TRIM71: variants seen among roughly 807,000 people sequenced by gnomAD.
TRIM71 encodes the protein E3 ubiquitin-protein ligase TRIM71.
In TRIM71, 9 loss-of-function variants were observed where a neutral mutation model predicts 61.2. The ratio of observed to expected loss-of-function variants is 0.15; its 90% CI spans 0.09 to 0.26. The LOEUF (loss-of-function observed/expected upper bound fraction) is 0.26. Ranked by LOEUF, TRIM71 falls within the 10% of genes least tolerant of loss-of-function variation. TRIM71 has a pLI of 1.00. For missense variants in TRIM71, 998 were observed against 1,238.7 expected (o/e 0.81, Z 2.92); for synonymous variants, 645 against 553.2 (o/e 1.17, Z -2.33).
chr3:32,818,656 G>T lies in TRIM71; in HGVS notation c.576G>T (p.Leu192=). 1 of 1,504,614 alleles carries T rather than the reference G, an allele frequency of 6.6e-7. No individual in the cohort carries two copies. Among genetic ancestry groups the T allele is most frequent in the Non-Finnish European group, 8.8e-7 (1 of 1,136,902 alleles). 93.2% of individuals were successfully genotyped at this position (1,504,614 alleles called of 1,614,324 possible). Residue 192 remains leucine (L), a synonymous_variant, in exon 1 of 4, where the codon CTG becomes CTT. Coordinates refer to ENST00000383763, the MANE Select transcript of TRIM71 (RefSeq NM_001039111.3). ...GGPAASPSAL[L]LRRPHGCSSC... is the part of the protein sequence containing the mutation. ...CTGCCGCTTCCCCGTCGGCGCTGCT[G>T]CTCCGCCGTCCTCACGGCTGCAGCT...
At chr3:32,862,008 T>C (rs1402411263) in intron 1 of TRIM71, among the ~76,000 whole-genome samples, 1 of 152,234 alleles carries the variant, frequency 6.6e-6, no homozygotes, top group African/African-American at 2.4e-5. Context: ...AAATAATTAC[T>C]GCCTGTGAAC....
chr3:32,860,911 A>G (rs1696660025), intron 1 of TRIM71, among the ~76,000 whole-genome samples: 1 of 152,110 alleles, frequency 6.6e-6, no homozygotes, highest in African/African-American at 2.4e-5. Context: ...GCGGTGGCTC[A>G]TGCCTGTAAT....
chr3:32,849,895 G>A (rs1696518988), intron 1 of TRIM71, among the ~76,000 whole-genome samples: 1 of 152,208 alleles, frequency 6.6e-6, no homozygotes, highest in South Asian at 2.1e-4. Context: ...CCCTGAGATT[G>A]TCACAAGTTG....
intron 1 of TRIM71, among the ~76,000 whole-genome samples, chr3:32,863,986 T>C (rs955149571): frequency 6.6e-6 from 1 of 152,174 alleles, no homozygotes; most frequent in African/African-American, 2.4e-5. Context: ...CCTGAACTTC[T>C]TGTGTGTAGT....
Position 32,886,018 on chromosome 3 carries a change from G to T in TRIM71, c.1105G>T (p.Ala369Ser). ...GCAGTCGGAGGTCAAAGCCGTGACG[G>T]CGAGGCATAAGAAAGCCCTGGAGGA... ...VVQSEVKAVT[A>S]RHKKALEERE... Residue 369 changes from alanine to serine, a missense_variant, in exon 3 of 4, where the codon GCG (alanine) becomes TCG (serine). By Grantham distance (99) the Ala-to-Ser change is moderately conservative (BLOSUM62 1). Coordinates refer to ENST00000383763, the MANE Select transcript of TRIM71 (RefSeq NM_001039111.3). The T allele has an allele frequency of 1.2e-6, 2 of 1,614,194 alleles. No homozygotes were observed. Among genetic ancestry groups the T allele is most frequent in the Non-Finnish European group, 1.7e-6 (2 of 1,180,024 alleles).
In TRIM71 at chr3:32,875,373, C is replaced by A. The variant is rs898230618; in HGVS notation, c.1020+1388C>A. 5.3e-5 allele frequency among the ~76,000 whole-genome samples: 8 copies of A among 152,144 alleles called. No homozygotes were observed. In the East Asian group the frequency reaches 1.2e-3, roughly 22 times the overall value. On this transcript the variant is annotated intron_variant, in intron 2 of 3. Coordinates refer to ENST00000383763, the MANE Select transcript of TRIM71 (RefSeq NM_001039111.3). ...GAATTTCTATTAAATCTTGTCTGATCCAGGTGACAAGGTTTTAGGAAATCA... is the reference window on the plus strand; with the variant it reads ...GAATTTCTATTAAATCTTGTCTGATACAGGTGACAAGGTTTTAGGAAATCA...
intron 1 of TRIM71, among the ~76,000 whole-genome samples, chr3:32,825,247 C>A (rs915726802): frequency 1.3e-5 from 2 of 152,200 alleles, no homozygotes; most frequent in East Asian, 3.9e-4. Flanking sequence ...AACTAATAAT[C>A]GTGCATATAT....
chr3:32,861,083 G>C (rs974298090), intron 1 of TRIM71, among the ~76,000 whole-genome samples: 1 of 151,986 alleles, frequency 6.6e-6, no homozygotes, highest in African/African-American at 2.4e-5. Flanking sequence ...GCTGAGGCAG[G>C]AGAATCGCTT....
At chr3:32,861,764 C>G (rs1198777097) in intron 1 of TRIM71, among the ~76,000 whole-genome samples, 2 of 152,056 alleles carry the variant, frequency 1.3e-5, no homozygotes, top group African/African-American at 2.4e-5. Flanking sequence ...CTTTAATACT[C>G]TCCTTGACAG....
chr3:32,863,316 A>G (rs1036738856), intron 1 of TRIM71, among the ~76,000 whole-genome samples: 5 of 143,962 alleles, frequency 3.5e-5, no homozygotes, highest in Non-Finnish European at 7.4e-5. Flanking sequence ...TCATCAAGCC[A>G]TCCTTCTGCC....
chr3:32,850,745 G>A (rs1559542603), intron 1 of TRIM71, among the ~76,000 whole-genome samples: 1 of 152,184 alleles, frequency 6.6e-6, no homozygotes, highest in African/African-American at 2.4e-5. Context: ...TATCTTGACC[G>A]GCTTGTTAGT....
chr3:32,853,265 T>G (rs1269396702), intron 1 of TRIM71, among the ~76,000 whole-genome samples: 2 of 151,898 alleles, frequency 1.3e-5, no homozygotes, highest in Admixed American at 1.3e-4. Context: ...TACAGGTGCA[T>G]GCCACCACAC....
chr3:32,834,207 C>T (rs1696307140), intron 1 of TRIM71, among the ~76,000 whole-genome samples: 1 of 152,072 alleles, frequency 6.6e-6, no homozygotes, highest in South Asian at 2.1e-4. Context: ...TAGGTGAAAC[C>T]GAGTGATTGT....
Position 32,851,566 on chromosome 3 carries a change from C to T in TRIM71, c.853-22252C>T, listed in dbSNP as rs1696538547. On this transcript the variant is annotated intron_variant, in intron 1 of 3. Transcript: ENST00000383763. ...TGATCTCAGCTCACTGCTACCGTCGCCTCCCAGGTTCAAGCGATTTTCCTG... is the reference window on the plus strand; with the variant it reads ...TGATCTCAGCTCACTGCTACCGTCGTCTCCCAGGTTCAAGCGATTTTCCTG... Among the ~76,000 whole-genome samples, 3 of 152,132 alleles carry T rather than the reference C, an allele frequency of 2.0e-5. No homozygotes were observed. In the South Asian group the frequency reaches 6.2e-4, roughly 32 times the overall value.
At chr3:32,820,018 A>G (rs1351239352) in intron 1 of TRIM71, among the ~76,000 whole-genome samples, 1 of 152,220 alleles carries the variant, frequency 6.6e-6, no homozygotes, top group Non-Finnish European at 1.5e-5. Flanking sequence ...TTCTCCCCCG[A>G]ACCCAATGAA....
chr3:32,873,987 T>C lies in TRIM71; in HGVS notation c.1020+2T>C. 6.2e-7 allele frequency: 1 copy of C among 1,605,140 alleles called. No individual in the cohort carries two copies. Among genetic ancestry groups the C allele is most frequent in the Non-Finnish European group, 8.5e-7 (1 of 1,176,276 alleles). Reference sequence around the variant, plus strand: ...CAGCAGGGACGACAGGCAATCCAGGTGAGCCTTCCCTGCCCTTCTGCAGTT... The same window carrying C: ...CAGCAGGGACGACAGGCAATCCAGGCGAGCCTTCCCTGCCCTTCTGCAGTT... On this transcript the variant is annotated splice_donor_variant, in intron 2 of 3. Transcript: ENST00000383763. LOFTEE classifies it high-confidence loss of function.
chr3:32,828,502 C>CT (rs67014189), intron 1 of TRIM71, among the ~76,000 whole-genome samples: 48,133 of 93,430 alleles, frequency 0.52, 14,811 homozygotes, highest in East Asian at 0.7. Context: ...CAATTGTAAA[C>CT]TTTTTTTTTT....
chr3:32,819,047 A>G, intron 1 of TRIM71, 115 bp downstream of exon 1: 4 of 1,207,688 alleles, frequency 3.3e-6, no homozygotes, highest in Non-Finnish European at 4.7e-6. Context: ...TTTGGTTTGT[A>G]TTTCCTTTGG....
chr3:32,828,002 C>T (rs1696223437), intron 1 of TRIM71, among the ~76,000 whole-genome samples: 1 of 152,080 alleles, frequency 6.6e-6, no homozygotes, highest in Non-Finnish European at 1.5e-5. Context: ...AAAAAATCTG[C>T]ACTTAAGTTT....
Sources: allele counts gnomAD v4.1 joint callset (sites outside exome capture counted in the v4.1 genomes callset), GRCh38; gene constraint gnomAD v4.1.1; transcripts MANE v1.5; gene names NCBI Gene and HGNC (gene_info 2026-07-23, HGNC 2026-07-21).